The following CIITA variants were observed in gnomAD, a reference collection of about 807,000 sequenced individuals.
The protein encoded by CIITA is MHC class II transactivator.
CIITA carries 72 observed loss-of-function variants against 115.1 expected under a neutral mutation model. The observed-to-expected ratio is 0.63, with a 90% CI of 0.52 to 0.76. CIITA has a LOEUF of 0.76. CIITA is among the 30% of genes least tolerant of loss of function. The pLI, the probability that CIITA is intolerant of heterozygous loss-of-function variation, is 0.00. For missense variants in CIITA, 1,617 were observed against 1,463.8 expected, an observed-to-expected ratio of 1.10 and a Z score of -1.71; for synonymous variants, 763 against 635.6, an observed-to-expected ratio of 1.20 and a Z score of -3.02.
Position 10,929,215 on chromosome 16 carries a change from A to C in CIITA, c.*5360A>C, listed in dbSNP as rs577638259. 60 of 985,792 alleles carry C rather than the reference A, an allele frequency of 6.1e-5. No individual in the cohort carries two copies. The African/African-American group carries it at 9.9e-4, about 16-fold the overall frequency. The allele number at this position is 985,792 out of a possible 1,614,324, so 61.1% of individuals were successfully genotyped here. ...CCCAGCTGGCCTGAAGGCTCAACTC[A>C]CATCAAACGGAGCTGGGAGTCGCTT... On this transcript the variant is annotated 3_prime_UTR_variant, in exon 20 of 20. Transcript: ENST00000324288. The surrounding 1 kb of genome is among the most constrained non-coding windows in gnomAD (Gnocchi z 4.3).
At position 10,942,081 on chromosome 16, in the gene CIITA, G is replaced by A. The variant is rs2041110492; in HGVS notation, n.1207G>A. On this transcript the variant is annotated non_coding_transcript_exon_variant, in exon 2 of 2. Transcript: ENST00000573379. The surrounding 1 kb of genome is among the most constrained non-coding windows in gnomAD (Gnocchi z 5.0). ...TGCGGCGCCCGGGCGGCCGGCGAGG[G>A]CACAGCGCAGCCATCCAGGGGTACC... The A allele has an allele frequency of 2.5e-6, 3 of 1,217,622 alleles. No homozygotes were observed. Among genetic ancestry groups the A allele is most frequent in the East Asian group, 6.6e-5 (2 of 30,130 alleles). The allele number at this position is 1,217,622 out of a possible 1,614,324, so 75.4% of individuals were successfully genotyped here.
In CIITA at chr16:10,910,269, G is replaced by T; in HGVS notation, c.2888+10G>T. 1 of 1,612,696 alleles carries T rather than the reference G, an allele frequency of 6.2e-7. No homozygotes were observed. On this transcript the variant is annotated intron_variant, in intron 13 of 19. Transcript: ENST00000324288. The stretch of plus-strand genomic sequence containing the variant: ...AGAAACTGGAGTTTGCGTAAGCAAA[G>T]GGGTGGATTGTCTTGTGGGTCTGCG...
upstream of CIITA, among the ~76,000 whole-genome samples, chr16:10,874,377 C>A (rs1448352908): frequency 6.6e-6 from 1 of 152,116 alleles, no homozygotes; most frequent in South Asian, 2.1e-4. Flanking sequence ...GCTCTTTGCC[C>A]CCATTCACTC....
intron 9 of CIITA, among the ~76,000 whole-genome samples, chr16:10,904,373 C>G (rs1053797939): frequency 6.6e-6 from 1 of 152,000 alleles, no homozygotes; most frequent in African/African-American, 2.4e-5. Context: ...AGGTGTGCAC[C>G]GTCACACCCA....
chr16:10,939,247 C>T (rs1275300839), downstream of CIITA: 1 of 152,272 alleles, frequency 6.6e-6, no homozygotes, highest in Non-Finnish European at 1.5e-5. This position sits in a 1 kb window ranked among gnomAD's most constrained non-coding sequence, Gnocchi z 4.9. Context: ...CCTCTGTCAC[C>T]TCTGGCCTGG....
chr16:10,901,218 T>C lies in CIITA; in HGVS notation c.437-296T>C, dbSNP rs1254958361. On this transcript the variant is annotated intron_variant, in intron 5 of 19. Transcript: ENST00000324288. The surrounding 1 kb of genome is among the most constrained non-coding windows in gnomAD (Gnocchi z 6.8). Reference sequence around the variant, plus strand: ...GCAAAGGCACACAGCTAGGAAGCGGTTCAAAAGCAGGTTCCTTTGTTTTGT... The same window carrying C: ...GCAAAGGCACACAGCTAGGAAGCGGCTCAAAAGCAGGTTCCTTTGTTTTGT... Among the ~76,000 whole-genome samples, 1 of 152,222 alleles carries C rather than the reference T, an allele frequency of 6.6e-6. No homozygotes were observed. The highest frequency in any genetic ancestry group is 2.1e-4 in the South Asian group (1 of 4,834).
At chr16:10,873,496 C>G (rs1279086244), upstream of CIITA, among the ~76,000 whole-genome samples, 1 of 152,142 alleles carries the variant, frequency 6.6e-6, no homozygotes, top group Non-Finnish European at 1.5e-5. Flanking sequence ...GGTGGGAACT[C>G]GAGCTTTGCA....
chr16:10,906,651 T>C lies in CIITA; in HGVS notation c.1159T>C (p.Trp387Arg). ...GGAGCGGGAACTGGCCACCCCGGAC[T>C]GGGCAGAACGGCAGCTGGCCCAAGG... The part of the protein sequence containing the change: ...SLERELATPD[W>R]AERQLAQGGL... Residue 387 changes from tryptophan (W) to arginine (R), a missense_variant, in exon 11 of 20, where the codon TGG (tryptophan) becomes CGG (arginine). Transcript: ENST00000324288. The C allele has an allele frequency of 2.5e-6, 4 of 1,613,904 alleles. No individual in the cohort carries two copies. The highest frequency in any genetic ancestry group is 3.4e-6 in the Non-Finnish European group (4 of 1,179,982).
Position 10,907,336 on chromosome 16 carries a change from G to T in CIITA, c.1844G>T (p.Arg615Leu), listed in dbSNP as rs769140062. Residue 615 changes from arginine (R) to leucine (L), a missense_variant, in exon 11 of 20, where the codon CGG becomes CTG. Coordinates refer to ENST00000324288, the MANE Select transcript of CIITA (RefSeq NM_000246.4). The surrounding 1 kb of genome is among the most constrained non-coding windows in gnomAD (Gnocchi z 5.0). ...LSHSHSPTLC[R>L]AVCQLSEALL... ...CACAGCCACAGCCCTACTTTGTGCC[G>T]GGCAGTGTGCCAGCTCTCAGAGGCC... 6.2e-7 allele frequency: 1 copy of T among 1,613,404 alleles called. No homozygotes were observed. Among genetic ancestry groups the T allele is most frequent in the Non-Finnish European group, 8.5e-7 (1 of 1,180,008 alleles).
At chr16:10,908,204 C>A (rs1382874824) in intron 11 of CIITA, 55 bp downstream of exon 11, 1 of 1,543,854 alleles carries the variant, frequency 6.5e-7, no homozygotes, top group Non-Finnish European at 8.8e-7. Flanking sequence ...TAACTGCGGT[C>A]TTGGTGCCAA....
upstream of CIITA, among the ~76,000 whole-genome samples, chr16:10,876,148 C>G (rs564378987): frequency 6.6e-6 from 1 of 151,956 alleles, no homozygotes; most frequent in Admixed American, 6.6e-5. Flanking sequence ...AAGAGTGAAA[C>G]TCCGTCTAAA....
chr16:10,889,626 T>A (rs2037340661), intron 1 of CIITA, among the ~76,000 whole-genome samples: 1 of 152,062 alleles, frequency 6.6e-6, no homozygotes, highest in Non-Finnish European at 1.5e-5. Flanking sequence ...TTCAAGCGAT[T>A]CTCCTGCCTC....
In CIITA at chr16:10,902,095, C is replaced by A. The variant is rs764913879; in HGVS notation, c.539C>A (p.Ser180Tyr). The change falls in exon 7 of 20, where the codon TCC (serine) becomes TAC (tyrosine). Residue 180 changes from serine (S) to tyrosine (Y), a missense_variant. Physicochemically the swap from Ser to Tyr is moderately radical, Grantham distance 144 (BLOSUM62 -2). Coordinates refer to ENST00000324288, the MANE Select transcript of CIITA (RefSeq NM_000246.4). ...SLLVGPVSDC[S>Y]TLPCLPLPAL... ...CTAGTGGGACCAGTGAGCGACTGCTCCACCCTGCCCTGCCTGCCACTGCCT... is the reference window on the plus strand; with the variant it reads ...CTAGTGGGACCAGTGAGCGACTGCTACACCCTGCCCTGCCTGCCACTGCCT... 5.6e-6 allele frequency: 9 copies of A among 1,614,170 alleles called. No individual in the cohort carries two copies. In the Admixed American group the frequency reaches 1.0e-4, roughly 18 times the overall value.
In CIITA at chr16:10,902,182, C is replaced by T. The variant is rs368326813; in HGVS notation, c.626C>T (p.Pro209Leu). The change falls in exon 7 of 20, where the codon CCC becomes CTC. Residue 209 changes from proline (P) to leucine (L), a missense_variant and splice_region_variant. Physicochemically the swap from Pro to Leu is moderately conservative, Grantham distance 98. Transcript: ENST00000324288. ...QMRLEKTDQI[P>L]MPFSSSSLSC... ...CGCCTGGAGAAAACCGACCAGATTC[C>T]CAGTATGTTAGGGGGCTTGGAGAGA... 43 of 1,613,884 alleles carry T rather than the reference C, an allele frequency of 2.7e-5. No individual in the cohort carries two copies. The highest frequency in any genetic ancestry group is 3.6e-5 in the Non-Finnish European group (42 of 1,179,998).
At chr16:10,877,118 T>A, upstream of CIITA, 2 of 631,866 alleles carry the variant, frequency 3.2e-6, no homozygotes, top group Non-Finnish European at 5.7e-6. Flanking sequence ...GGGGCCACCT[T>A]GCAGGGAGAG....
intron 7 of CIITA, among the ~76,000 whole-genome samples, 186 bp from the exon 8 acceptor site, chr16:10,902,472 C>T (rs374178689): frequency 4.6e-5 from 7 of 152,228 alleles, no homozygotes; most frequent in African/African-American, 1.7e-4. Context: ...CTTCATGGAG[C>T]CCCTTCTCTG....
chr16:10,911,379 T>G, intron 13 of CIITA, among the ~76,000 whole-genome samples: 1 of 91,442 alleles, frequency 1.1e-5, no homozygotes, highest in Admixed American at 9.0e-5. Flanking sequence ...TCTTTCTTTC[T>G]TTCTCTCTCT....
upstream of CIITA, among the ~76,000 whole-genome samples, chr16:10,876,344 G>A (rs140935846): frequency 1.4e-4 from 21 of 152,200 alleles, no homozygotes; most frequent in Middle Eastern, 6.8e-3. Context: ...AAAACTTTAC[G>A]TCCCATTATA....
At chr16:10,869,676 C>G (rs1002984461) in intron 1 of CIITA, among the ~76,000 whole-genome samples, 32 of 152,084 alleles carry the variant, frequency 2.1e-4, no homozygotes. Context: ...TGCCACTATG[C>G]CTGGCTAATT....
Sources: gnomAD v4.1 joint callset for allele counts (sites outside exome capture counted in the v4.1 genomes callset) on GRCh38, gnomAD v4.1.1 for gene constraint, Gnocchi (gnomAD v3.1) non-coding constraint, MANE v1.5 for transcripts, NCBI Gene and HGNC (gene_info 2026-07-23, HGNC 2026-07-21) for gene names.